Variants in GRXCR1 observed in about 807,000 individuals in gnomAD.
The protein encoded by GRXCR1 is glutaredoxin and cysteine rich domain containing 1, also known as glutaredoxin domain-containing cysteine-rich protein 1.
GRXCR1 carries 27 observed loss-of-function variants against 27.3 expected under a neutral mutation model. The observed-to-expected ratio is 0.99, with a 90% CI of 0.73 to 1.37. The LOEUF (loss-of-function observed/expected upper bound fraction) is 1.37. GRXCR1 is among the 40% of genes most tolerant of loss of function. The pLI is 0.00. For synonymous variants in GRXCR1, 122 were observed against 131.1 expected (o/e 0.93, Z 0.47); for missense variants, 379 against 354.4 (o/e 1.07, Z -0.56).
intron 2 of GRXCR1, among the ~76,000 whole-genome samples, chr4:42,999,036 A>G (rs1282000528): frequency 6.6e-6 from 1 of 152,206 alleles, no homozygotes; most frequent in African/African-American, 2.4e-5. Context: ...AATCCAGATA[A>G]CAACCGAGGT....
intron 2 of GRXCR1, among the ~76,000 whole-genome samples, chr4:43,018,216 G>A (rs1712991333): frequency 6.6e-6 from 1 of 152,182 alleles, no homozygotes; most frequent in African/African-American, 2.4e-5. Context: ...GGGGACCAAA[G>A]GCCTGGTTCC....
intron 1 of GRXCR1, among the ~76,000 whole-genome samples, chr4:42,902,652 T>C (rs185231123): frequency 6.6e-6 from 1 of 152,186 alleles, no homozygotes; most frequent in African/African-American, 2.4e-5. Context: ...TGAACACATT[T>C]TGGGGGAACA....
chr4:43,018,268 C>T (rs1218951311), intron 2 of GRXCR1, among the ~76,000 whole-genome samples: 2 of 152,120 alleles, frequency 1.3e-5, no homozygotes, highest in African/African-American at 2.4e-5. Context: ...GTTGTGGAGG[C>T]TGTGTTGAGT....
At chr4:42,959,339 C>A (rs562018700) in intron 1 of GRXCR1, among the ~76,000 whole-genome samples, 2 of 151,710 alleles carry the variant, frequency 1.3e-5, no homozygotes, top group South Asian at 4.2e-4. Flanking sequence ...AAAAATACTG[C>A]GTGATCTCGT....
At chr4:42,964,125 A>G (rs1748187410) in intron 2 of GRXCR1, among the ~76,000 whole-genome samples, 2 of 152,046 alleles carry the variant, frequency 1.3e-5, no homozygotes, top group Admixed American at 1.3e-4. Context: ...GACACACATT[A>G]CATTCTGTAG....
intron 2 of GRXCR1, among the ~76,000 whole-genome samples, chr4:43,010,786 T>C (rs1247687689): frequency 1.3e-5 from 2 of 152,132 alleles, no homozygotes; most frequent in Non-Finnish European, 2.9e-5. Flanking sequence ...CTCTTTGAAA[T>C]AGGCTAAAAA....
chr4:42,909,334 GAA>G (rs1382786220), intron 1 of GRXCR1, among the ~76,000 whole-genome samples: 1 of 152,080 alleles, frequency 6.6e-6, no homozygotes, highest in African/African-American at 2.4e-5. Flanking sequence ...AAAAATTAGT[GAA>G]GACTACAAAT....
At position 42,951,391 on chromosome 4, in the gene GRXCR1, C is replaced by T. The variant is rs372243411; in HGVS notation, c.385-11501C>T. Among the ~76,000 whole-genome samples, 20 of 152,296 alleles carry T rather than the reference C, an allele frequency of 1.3e-4. No homozygotes were observed. In the East Asian group the frequency reaches 2.5e-3, roughly 19 times the overall value. ...TGAGCATCCCCTAGCCAAGTCGACA[C>T]ATAACATTAACCATCACAGCTACTA... On this transcript the variant is annotated intron_variant, in intron 1 of 3. Transcript: ENST00000399770.
At chr4:42,917,731 G>A (rs1746916183) in intron 1 of GRXCR1, among the ~76,000 whole-genome samples, 2 of 152,118 alleles carry the variant, frequency 1.3e-5, no homozygotes, top group Admixed American at 1.3e-4. Context: ...ATTTCTAGGG[G>A]AAACAGGATG....
At chr4:42,957,123 T>C (rs1748022788) in intron 1 of GRXCR1, among the ~76,000 whole-genome samples, 4 of 152,042 alleles carry the variant, frequency 2.6e-5, no homozygotes, top group Admixed American at 2.6e-4. Context: ...TTTCCTCCAC[T>C]CTCTACCTAA....
intron 2 of GRXCR1, among the ~76,000 whole-genome samples, chr4:43,009,490 C>T (rs1417431825): frequency 6.6e-6 from 1 of 151,944 alleles, no homozygotes; most frequent in Non-Finnish European, 1.5e-5. Context: ...TGTATTAGTC[C>T]ATTAGGGCTG....
At chr4:42,894,296 G>T (rs1347284312) in intron 1 of GRXCR1, among the ~76,000 whole-genome samples, 2 of 152,070 alleles carry the variant, frequency 1.3e-5, no homozygotes, top group South Asian at 2.1e-4. Context: ...TACTTTAAAT[G>T]TGATAGATTC....
intron 1 of GRXCR1, among the ~76,000 whole-genome samples, chr4:42,919,584 G>A (rs984426337): frequency 3.3e-5 from 5 of 152,038 alleles, no homozygotes; most frequent in Non-Finnish European, 7.4e-5. Flanking sequence ...AGAGTTGAGG[G>A]CTCAACAGAA....
chr4:42,894,308 G>A (rs1051264595), intron 1 of GRXCR1, among the ~76,000 whole-genome samples: 1 of 152,060 alleles, frequency 6.6e-6, no homozygotes, highest in Admixed American at 6.6e-5. Context: ...GATAGATTCT[G>A]CAGAGTAATA....
At chr4:43,021,355 T>G (rs551248176) in intron 3 of GRXCR1, among the ~76,000 whole-genome samples, 29 of 152,320 alleles carry the variant, frequency 1.9e-4, no homozygotes, top group African/African-American at 7.0e-4. Flanking sequence ...TGATCTCCCC[T>G]GCCTTTGAAT....
chr4:42,985,867 T>G lies in GRXCR1; in HGVS notation c.627+22733T>G, dbSNP rs552768377. 5.9e-5 allele frequency among the ~76,000 whole-genome samples: 9 copies of G among 152,318 alleles called. No individual in the cohort carries two copies. In the East Asian group the frequency reaches 1.3e-3, roughly 23 times the overall value. On this transcript the variant is annotated intron_variant, in intron 2 of 3. Coordinates refer to ENST00000399770, the MANE Select transcript of GRXCR1 (RefSeq NM_001080476.3). ...CTAATCCTGAAGCAAACATTTATCT[T>G]ATTCATTTATAGCTTGACTTGAAAA... is the stretch of plus-strand genomic sequence containing the variant.
chr4:42,960,168 A>G (rs1577921445), intron 1 of GRXCR1, among the ~76,000 whole-genome samples: 1 of 152,136 alleles, frequency 6.6e-6, no homozygotes, highest in Middle Eastern at 3.4e-3. Context: ...AGTTGGTCCA[A>G]TCTTAAATTT....
intron 1 of GRXCR1, among the ~76,000 whole-genome samples, chr4:42,899,205 A>C (rs1237013398): frequency 6.6e-6 from 1 of 152,154 alleles, no homozygotes; most frequent in African/African-American, 2.4e-5. Flanking sequence ...CATAACGGAC[A>C]GGACTAGAGT....
intron 1 of GRXCR1, among the ~76,000 whole-genome samples, chr4:42,944,574 T>A (rs1209821867): frequency 6.6e-6 from 1 of 152,082 alleles, no homozygotes; most frequent in Admixed American, 6.6e-5. Context: ...GTAGGTACGT[T>A]TTTATCTATT....
Sources: allele counts gnomAD v4.1 joint callset (sites outside exome capture counted in the v4.1 genomes callset), GRCh38; gene constraint gnomAD v4.1.1; transcripts MANE v1.5; gene names NCBI Gene and HGNC (gene_info 2026-07-23, HGNC 2026-07-21).